The following AGMO variants were observed in gnomAD, a reference collection of about 807,000 sequenced individuals.
The protein encoded by AGMO is glyceryl-ether monooxygenase.
In AGMO, 75 loss-of-function variants were observed where a neutral mutation model predicts 60.2. The observed-to-expected ratio is 1.25, with a 90% CI of 1.03 to 1.51. The LOEUF is 1.51. Ranked by LOEUF, AGMO falls within the 40% of genes most tolerant of loss-of-function variation. The pLI, the probability that AGMO is intolerant of heterozygous loss-of-function variation, is 0.00. For missense variants in AGMO, 763 were observed against 525.5 expected (o/e 1.45, Z -4.42); for synonymous variants, 261 against 177.1 (o/e 1.47, Z -3.76).
the AGMO span, among the ~76,000 whole-genome samples, chr7:15,186,989 G>A: frequency 1.3e-5 from 2 of 152,182 alleles, no homozygotes; most frequent in Non-Finnish European, 2.9e-5. Flanking sequence ...CTGAAATAGA[G>A]AAGAAATTTA....
chr7:15,556,450 A>G lies in AGMO; in HGVS notation c.257+3691T>C, dbSNP rs184904755. On this transcript the variant is annotated intron_variant, in intron 2 of 12. Transcript: ENST00000342526. The stretch of plus-strand genomic sequence containing the variant: ...CCTCTAACCTATTGCAATTTGATTT[A>G]TAATCTGCTGTTTCAACAGAATAAA... Among the ~76,000 whole-genome samples the G allele has an allele frequency of 1.6e-3, 244 of 152,128 alleles. 3 individuals are homozygous for G. The highest frequency in any genetic ancestry group is 2.4e-3 in the Non-Finnish European group (161 of 67,946).
chr7:15,211,335 T>C (rs1781582032), intron 12 of AGMO, among the ~76,000 whole-genome samples: 2 of 152,024 alleles, frequency 1.3e-5, no homozygotes, highest in African/African-American at 2.4e-5. Flanking sequence ...ACATAAATTG[T>C]AAGTAGATTT....
At chr7:15,350,277 AAAATT>A (rs1394258500) in intron 12 of AGMO, among the ~76,000 whole-genome samples, 1 of 152,190 alleles carries the variant, frequency 6.6e-6, no homozygotes, top group Non-Finnish European at 1.5e-5. Flanking sequence ...TAAATCAAAT[AAAATT>A]ATGTATAAAT....
chr7:15,347,637 G>T (rs533413912), intron 12 of AGMO, among the ~76,000 whole-genome samples: 1 of 151,942 alleles, frequency 6.6e-6, no homozygotes, highest in African/African-American at 2.4e-5. Context: ...GGCGCAGTGT[G>T]GCCAGATCTT....
At chr7:15,210,044 C>T (rs1346223327) in intron 12 of AGMO, among the ~76,000 whole-genome samples, 2 of 152,016 alleles carry the variant, frequency 1.3e-5, no homozygotes, top group Non-Finnish European at 2.9e-5. Flanking sequence ...ATAATAATAA[C>T]TTTTATTATT....
At chr7:15,195,843 T>A (rs1781103792), downstream of AGMO, among the ~76,000 whole-genome samples, 1 of 152,172 alleles carries the variant, frequency 6.6e-6, no homozygotes, top group South Asian at 2.1e-4. Context: ...ATTACCATTA[T>A]TAATAATCTT....
intron 2 of AGMO, among the ~76,000 whole-genome samples, chr7:15,549,079 G>A (rs553668379): frequency 4.9e-4 from 74 of 150,054 alleles, no homozygotes; most frequent in Admixed American, 1.1e-3. Context: ...CTTCATAAGC[G>A]AAGGAGAAAT....
chr7:15,445,036 C>T (rs1462026198), intron 3 of AGMO, among the ~76,000 whole-genome samples: 1 of 152,116 alleles, frequency 6.6e-6, no homozygotes. Context: ...TTGTGAAGTT[C>T]TTAGCACATA....
intron 2 of AGMO, among the ~76,000 whole-genome samples, chr7:15,553,418 T>C (rs1385143928): frequency 6.6e-6 from 1 of 152,038 alleles, no homozygotes; most frequent in Non-Finnish European, 1.5e-5. Context: ...TCTAGCTGAA[T>C]GGCTTAAGTA....
the AGMO span, among the ~76,000 whole-genome samples, chr7:15,137,638 T>C: frequency 6.6e-6 from 1 of 152,036 alleles, no homozygotes; most frequent in Non-Finnish European, 1.5e-5. Flanking sequence ...AATGGATGGG[T>C]TGATTTTTTT....
intron 3 of AGMO, among the ~76,000 whole-genome samples, chr7:15,449,681 C>A (rs10261545): frequency 0.024 from 3,709 of 152,170 alleles, 137 homozygotes; most frequent in African/African-American, 0.078. Context: ...TGTCTAACTG[C>A]ACATTACAGT....
At chr7:15,166,182 A>G in the AGMO span, among the ~76,000 whole-genome samples, 907 of 152,310 alleles carry the variant, frequency 6.0e-3, 7 homozygotes, top group Non-Finnish European at 9.6e-3. Context: ...GTAGAGCCAG[A>G]TAAGAAGGAT....
the AGMO span, among the ~76,000 whole-genome samples, chr7:15,121,911 T>C: frequency 1.3e-5 from 2 of 152,078 alleles, no homozygotes; most frequent in Non-Finnish European, 2.9e-5. Context: ...TAACTCAAGA[T>C]GGGTTAAAGG....
At chr7:15,530,778 T>TAG (rs369555646) in intron 3 of AGMO, among the ~76,000 whole-genome samples, 40,174 of 87,474 alleles carry the variant, frequency 0.46, 15,208 homozygotes, top group Non-Finnish European at 0.59. Context: ...CATTTCTATA[T>TAG]ATATTCTATA....
intron 3 of AGMO, among the ~76,000 whole-genome samples, chr7:15,462,629 C>T (rs1782172606): frequency 6.6e-6 from 1 of 152,180 alleles, no homozygotes; most frequent in Non-Finnish European, 1.5e-5. Flanking sequence ...AATCTATCTA[C>T]ATTTCTGGTT....
At chr7:15,508,764 A>AG (rs1017907459) in intron 3 of AGMO, among the ~76,000 whole-genome samples, 4 of 151,940 alleles carry the variant, frequency 2.6e-5, no homozygotes, top group Non-Finnish European at 4.4e-5. Flanking sequence ...ACATTTAGAG[A>AG]GGGGAAAAAA....
intron 12 of AGMO, among the ~76,000 whole-genome samples, chr7:15,338,147 TATTATA>T (rs1229725804): frequency 6.6e-6 from 1 of 152,180 alleles, no homozygotes; most frequent in Admixed American, 6.5e-5. Context: ...CTCTGTGTAA[TATTATA>T]ATTAAATTTT....
intron 12 of AGMO, among the ~76,000 whole-genome samples, chr7:15,269,066 G>A (rs780667019): frequency 2.6e-5 from 4 of 152,004 alleles, no homozygotes; most frequent in Non-Finnish European, 5.9e-5. Flanking sequence ...TTGGCATTGT[G>A]GGCCATACAC....
intron 12 of AGMO, among the ~76,000 whole-genome samples, chr7:15,210,334 G>GT: frequency 6.6e-6 from 1 of 152,152 alleles, no homozygotes; most frequent in African/African-American, 2.4e-5. Context: ...CAATCTCCAG[G>GT]TAAGTATATC....
Sources: allele counts gnomAD v4.1 joint callset (sites outside exome capture counted in the v4.1 genomes callset), GRCh38; gene constraint gnomAD v4.1.1; transcripts MANE v1.5; gene names NCBI Gene and HGNC (gene_info 2026-07-23, HGNC 2026-07-21).